TRIM22: variants seen among roughly 807,000 people sequenced by gnomAD.
TRIM22 encodes E3 ubiquitin-protein ligase TRIM22.
In TRIM22, 45 loss-of-function variants were observed where a neutral mutation model predicts 53.6. That is an observed-to-expected ratio of 0.84 (90% CI 0.66 to 1.08). The LOEUF (loss-of-function observed/expected upper bound fraction) is 1.08. TRIM22 is among the 50% of genes least tolerant of loss of function. The pLI, the probability that TRIM22 is intolerant of heterozygous loss-of-function variation, is 0.00. For synonymous variants in TRIM22, 225 were observed against 216.6 expected, an observed-to-expected ratio of 1.04 and a Z score of -0.34; for missense variants, 616 against 590.9, an observed-to-expected ratio of 1.04 and a Z score of -0.44.
chr11:5,703,377 T>G (rs1853402891), intron 4 of TRIM22, among the ~76,000 whole-genome samples: 1 of 141,218 alleles, frequency 7.1e-6, no homozygotes, highest in Non-Finnish European at 1.5e-5. Context: ...GGACATAATT[T>G]TATTCTTTTT....
chr11:5,706,038 C>A (rs1035802432), intron 4 of TRIM22, among the ~76,000 whole-genome samples: 1 of 152,170 alleles, frequency 6.6e-6, no homozygotes, highest in Non-Finnish European at 1.5e-5. Context: ...ATCATTAGAT[C>A]CCTAAAGCCT....
In TRIM22 at chr11:5,710,365, C is replaced by T. The variant is rs537685191; in HGVS notation, c.*717C>T. On this transcript the variant is annotated 3_prime_UTR_variant, in exon 8 of 8. Coordinates refer to ENST00000379965, the MANE Select transcript of TRIM22 (RefSeq NM_006074.5). ...TCTTTTCTTCCTCATTTCCTCTGCCCCTTAAAAGATTGAAGAAAGAGAAAC... is the reference window on the plus strand; with the variant it reads ...TCTTTTCTTCCTCATTTCCTCTGCCTCTTAAAAGATTGAAGAAAGAGAAAC... 4 of 152,154 alleles carry T rather than the reference C, an allele frequency of 2.6e-5. No individual in the cohort carries two copies. Among genetic ancestry groups the T allele is most frequent in the African/African-American group, 7.2e-5 (3 of 41,502 alleles). 9.4% of individuals were successfully genotyped at this position (152,154 alleles called of 1,614,324 possible). A position where few individuals can be genotyped will look rare whatever the true frequency, so the allele number is the denominator to read the frequency against.
intron 1 of TRIM22, among the ~76,000 whole-genome samples, chr11:5,692,931 A>T (rs985922940): frequency 7.0e-6 from 1 of 142,692 alleles, no homozygotes; most frequent in East Asian, 2.1e-4. Flanking sequence ...GCTGGAGTGC[A>T]GTGGTGTGAT....
chr11:5,704,000 C>T (rs1853417734), intron 4 of TRIM22, among the ~76,000 whole-genome samples: 1 of 152,092 alleles, frequency 6.6e-6, no homozygotes, highest in African/African-American at 2.4e-5. Flanking sequence ...TTAACAGATG[C>T]TAGTGAGGCT....
chr11:5,706,362 G>C (rs1401461058), intron 4 of TRIM22, among the ~76,000 whole-genome samples: 3 of 152,112 alleles, frequency 2.0e-5, no homozygotes, highest in African/African-American at 4.8e-5. Flanking sequence ...TAAGATAGGA[G>C]GGCCTATTAC....
rs1199058520 is a variant in TRIM22 at position 5,708,279 on chromosome 11, G to A, written c.874+6G>A. Reference sequence around the variant, plus strand: ...GATGCTGCAAGTTCTTAAAGGTAAGGGGATTCAGGGGAAGGCTGTGAATGT... The same window carrying A: ...GATGCTGCAAGTTCTTAAAGGTAAGAGGATTCAGGGGAAGGCTGTGAATGT... On this transcript the variant is annotated splice_donor_region_variant and intron_variant, in intron 6 of 7. Coordinates refer to ENST00000379965, the MANE Select transcript of TRIM22 (RefSeq NM_006074.5). The A allele has an allele frequency of 1.2e-5, 19 of 1,608,564 alleles. No homozygotes were observed. The highest frequency in any genetic ancestry group is 1.6e-5 in the Non-Finnish European group (19 of 1,175,074).
intron 4 of TRIM22, among the ~76,000 whole-genome samples, chr11:5,705,233 A>T (rs758021543): frequency 2.0e-5 from 3 of 152,196 alleles, no homozygotes; most frequent in Non-Finnish European, 4.4e-5. Flanking sequence ...TGCATGCCTT[A>T]GAATTTTACT....
At chr11:5,700,584 CTTTTTTT>C (rs756680023) in intron 4 of TRIM22, among the ~76,000 whole-genome samples, 13 of 29,926 alleles carry the variant, frequency 4.3e-4, no homozygotes, top group Admixed American at 2.8e-3. Context: ...CTATAGGAGT[CTTTTTTT>C]TTTTTTTTTT....
At chr11:5,693,648 A>C (rs12786517) in intron 1 of TRIM22, among the ~76,000 whole-genome samples, 2 of 147,864 alleles carry the variant, frequency 1.4e-5, no homozygotes, top group Admixed American at 1.3e-4. Flanking sequence ...CGTGAACCCG[A>C]GAGGCGGAGC....
intron 4 of TRIM22, among the ~76,000 whole-genome samples, chr11:5,700,279 A>G (rs912206613): frequency 1.3e-5 from 2 of 151,394 alleles, no homozygotes; most frequent in Non-Finnish European, 2.9e-5. Context: ...ACCTGGCTAC[A>G]TTTTTTTTGT....
Position 5,698,437 on chromosome 11 carries a change from T to C in TRIM22, c.642T>C (p.Asp214=), listed in dbSNP as rs2291842. The change falls in exon 4 of 8, where the codon GAT becomes GAC. Residue 214 remains aspartate (D), a synonymous_variant. Coordinates refer to ENST00000379965, the MANE Select transcript of TRIM22 (RefSeq NM_006074.5). ...AGGAAGGTGAGGTGAATGTGCTGGATAACCTGGCAGCAGCTACAGACCAGC... is the reference window on the plus strand; with the variant it reads ...AGGAAGGTGAGGTGAATGTGCTGGACAACCTGGCAGCAGCTACAGACCAGC... ...KLEEGEVNVL[D]NLAAATDQLV... is the part of the protein sequence containing the mutation. 0.22 allele frequency: 350,380 copies of C among 1,613,880 alleles called. 40,692 individuals carry two copies. Among genetic ancestry groups the C allele is most frequent in the Admixed American group, 0.34 (20,644 of 59,992 alleles).
At chr11:5,691,758 G>T (rs1300966136) in intron 1 of TRIM22, among the ~76,000 whole-genome samples, 1 of 152,232 alleles carries the variant, frequency 6.6e-6, no homozygotes, top group African/African-American at 2.4e-5. Context: ...GTCTTATCTC[G>T]ATCTTATCGC....
chr11:5,693,977 T>C lies in TRIM22; in HGVS notation c.-66-2190T>C, dbSNP rs1047437809. ...AATAGTTTCCTGGAAACCTTTAGCA[T>C]TCCTTGGCTTATAGGTGCATCACCC... On this transcript the variant is annotated intron_variant, in intron 1 of 7. Transcript: ENST00000379965. Among the ~76,000 whole-genome samples, 7 of 152,290 alleles carry C rather than the reference T, an allele frequency of 4.6e-5. No individual in the cohort carries two copies. In the East Asian group the frequency reaches 7.7e-4, roughly 17 times the overall value.
intron 1 of TRIM22, among the ~76,000 whole-genome samples, chr11:5,692,662 C>G (rs11038736): frequency 6.6e-6 from 1 of 152,130 alleles, no homozygotes; most frequent in Non-Finnish European, 1.5e-5. Context: ...AAGATGTTGG[C>G]TAGGCCAGGC....
chr11:5,690,214 C>A (rs1365805651), intron 1 of TRIM22, among the ~76,000 whole-genome samples: 5 of 152,316 alleles, frequency 3.3e-5, no homozygotes, highest in Middle Eastern at 6.8e-3. Flanking sequence ...GAGACGAGCA[C>A]TCAAACAAAG....
intron 3 of TRIM22, chr11:5,697,845 A>G: frequency 5.8e-6 from 1 of 171,562 alleles, no homozygotes; most frequent in Non-Finnish European, 1.3e-5. Context: ...CTGGGACTAC[A>G]GGCATGTGCC....
chr11:5,699,806 A>G (rs188047394), intron 4 of TRIM22, among the ~76,000 whole-genome samples: 1 of 150,338 alleles, frequency 6.7e-6, no homozygotes, highest in East Asian at 2.0e-4. Flanking sequence ...CTTTTTCCTA[A>G]TAACTAACAC....
At chr11:5,708,630 A>T in intron 7 of TRIM22, 27 bp downstream of exon 7, 1 of 1,599,768 alleles carries the variant, frequency 6.3e-7, no homozygotes, top group South Asian at 1.1e-5. Context: ...TTTTCAAATC[A>T]CTTCCTTTCA....
chr11:5,706,872 C>G (rs901938654), intron 5 of TRIM22, among the ~76,000 whole-genome samples: 3 of 152,206 alleles, frequency 2.0e-5, no homozygotes, highest in African/African-American at 7.2e-5. Flanking sequence ...ACTTCACTCA[C>G]TTTATTCAAA....
Sources: gnomAD v4.1 joint callset for allele counts (sites outside exome capture counted in the v4.1 genomes callset) on GRCh38, gnomAD v4.1.1 for gene constraint, MANE v1.5 for transcripts, NCBI Gene and HGNC (gene_info 2026-07-23, HGNC 2026-07-21) for gene names.